Variants in PIK3C2B observed in about 807,000 individuals in gnomAD.
The protein encoded by PIK3C2B is phosphatidylinositol-4-phosphate 3-kinase catalytic subunit type 2 beta.
In PIK3C2B, 83 loss-of-function variants were observed where a neutral mutation model predicts 184.3. The ratio of observed to expected loss-of-function variants is 0.45; its 90% CI spans 0.38 to 0.54. The LOEUF (loss-of-function observed/expected upper bound fraction) is 0.54. PIK3C2B is among the 20% of genes least tolerant of loss of function. The pLI, the probability that PIK3C2B is intolerant of heterozygous loss-of-function variation, is 0.00. For synonymous variants in PIK3C2B, 779 were observed against 837.6 expected (o/e 0.93, Z 1.21); for missense variants, 1,736 against 2,113.5 (o/e 0.82, Z 3.50).
chr1:204,436,453 C>A (rs1675348203), intron 23 of PIK3C2B, among the ~76,000 whole-genome samples: 2 of 152,082 alleles, frequency 1.3e-5, no homozygotes, highest in Admixed American at 1.3e-4. Context: ...TCACATGAAC[C>A]CAGGAGGTGG....
intron 23 of PIK3C2B, chr1:204,435,754 C>T (rs1271714825): frequency 6.6e-6 from 1 of 152,352 alleles, no homozygotes; most frequent in Non-Finnish European, 1.5e-5. Context: ...ACTAGCTCCA[C>T]ACAGAATGCA....
intron 5 of PIK3C2B, among the ~76,000 whole-genome samples, chr1:204,462,047 G>T (rs1199100877): frequency 6.6e-6 from 1 of 152,148 alleles, no homozygotes; most frequent in African/African-American, 2.4e-5. Context: ...TTTTCTGTTG[G>T]GTGGGAGTGG....
At position 204,440,098 on chromosome 1, in the gene PIK3C2B, T is replaced by C. The variant is rs573305165; in HGVS notation, c.3379+94A>G. ...TGAAATAATCTTGCCCTTTTCACTTTCCTGGAGGAGGACACAGTTTGTGTT... is the reference window on the plus strand; with the variant it reads ...TGAAATAATCTTGCCCTTTTCACTTCCCTGGAGGAGGACACAGTTTGTGTT... On this transcript the variant is annotated intron_variant, in intron 22 of 32. Coordinates refer to ENST00000684373, the MANE Select transcript of PIK3C2B (RefSeq NM_001377334.1). The C allele has an allele frequency of 8.7e-5, 117 of 1,342,708 alleles. No homozygotes were observed. The African/African-American group carries it at 1.6e-3, about 18-fold the overall frequency. 83.2% of individuals were successfully genotyped at this position (1,342,708 alleles called of 1,614,324 possible). A position where few individuals can be genotyped will look rare whatever the true frequency, so the allele number is the denominator to read the frequency against.
chr1:204,442,909 G>C (rs1268680326), intron 19 of PIK3C2B, among the ~76,000 whole-genome samples: 1 of 152,236 alleles, frequency 6.6e-6, no homozygotes, highest in Non-Finnish European at 1.5e-5. Flanking sequence ...TGTCTCTCAA[G>C]GGGGAAGAGC....
Position 204,459,950 on chromosome 1 carries a change from T to C in PIK3C2B, c.1503-9A>G. 6.2e-7 allele frequency: 1 copy of C among 1,613,282 alleles called. No homozygotes were observed. The highest frequency in any genetic ancestry group is 8.5e-7 in the Non-Finnish European group (1 of 1,179,576). ...GAAGACTCAGGGCCTGCCTGGGAGT[T>C]GGGGGCAGGGAAAAACCACAGGAGA... On this transcript the variant is annotated splice_polypyrimidine_tract_variant and intron_variant, in intron 7 of 32. Transcript: ENST00000684373.
Position 204,459,946 on chromosome 1 carries a change from G to A in PIK3C2B, c.1503-5C>T. 1 of 1,613,640 alleles carries A rather than the reference G, an allele frequency of 6.2e-7. No individual in the cohort carries two copies. Among genetic ancestry groups the A allele is most frequent in the Non-Finnish European group, 8.5e-7 (1 of 1,179,754 alleles). ...AACAGAAGACTCAGGGCCTGCCTGGGAGTTGGGGGCAGGGAAAAACCACAG... is the reference window on the plus strand; with the variant it reads ...AACAGAAGACTCAGGGCCTGCCTGGAAGTTGGGGGCAGGGAAAAACCACAG... On this transcript the variant is annotated splice_polypyrimidine_tract_variant and splice_region_variant and intron_variant, in intron 7 of 32. Coordinates refer to ENST00000684373, the MANE Select transcript of PIK3C2B (RefSeq NM_001377334.1).
chr1:204,436,906 C>T (rs3014629), intron 23 of PIK3C2B, among the ~76,000 whole-genome samples: 110,214 of 151,968 alleles, frequency 0.73, 40,850 homozygotes, highest in Non-Finnish European at 0.8. Flanking sequence ...GGGTAGAGGG[C>T]CTTGAAATGT....
rs1675067616 is a variant in PIK3C2B, at chr1:204,431,686, A to C, written c.4263T>G (p.Pro1421=). The C allele has an allele frequency of 1.2e-6, 2 of 1,614,146 alleles. No individual in the cohort carries two copies. Among genetic ancestry groups the C allele is most frequent in the East Asian group, 4.5e-5 (2 of 44,884 alleles). Residue 1421 remains proline (P), a synonymous_variant, in exon 28 of 33, where the codon CCT becomes CCG. Coordinates refer to ENST00000684373, the MANE Select transcript of PIK3C2B (RefSeq NM_001377334.1). ...ELHNKLRLLF[P]SSHLPSFPSR... is the part of the protein sequence containing the mutation. ...GCAGCTACCTGGGCAAGTGGGAAGA[A>C]GGGAAGAGCAGCCGCAACTTATTGT...
At chr1:204,439,217 C>A in intron 22 of PIK3C2B, 146 bp from the exon 23 acceptor site, 1 of 793,024 alleles carries the variant, frequency 1.3e-6, no homozygotes, top group Non-Finnish European at 1.9e-6. Context: ...AAGAGAATAA[C>A]CATAGAAAGG....
intron 24 of PIK3C2B, among the ~76,000 whole-genome samples, chr1:204,434,207 T>C (rs1675221233): frequency 6.6e-6 from 1 of 152,272 alleles, no homozygotes; most frequent in Non-Finnish European, 1.5e-5. Context: ...GTTTGGTTCA[T>C]TTCCCTTTGT....
At chr1:204,477,437 G>C (rs1429029357) in intron 1 of PIK3C2B, among the ~76,000 whole-genome samples, 1 of 152,228 alleles carries the variant, frequency 6.6e-6, no homozygotes, top group Non-Finnish European at 1.5e-5. Flanking sequence ...AAGCAGGTCG[G>C]TGCCAGGGTC....
chr1:204,492,570 G>A (rs565528429), intron 1 of PIK3C2B, among the ~76,000 whole-genome samples: 5 of 152,152 alleles, frequency 3.3e-5, no homozygotes, highest in East Asian at 1.9e-4. Context: ...ACCACCAAGC[G>A]GGGACCAAAG....
In PIK3C2B at chr1:204,460,393, T is replaced by A; in HGVS notation, c.1433A>T (p.Asp478Val). The A allele has an allele frequency of 6.2e-7, 1 of 1,613,610 alleles. No individual in the cohort carries two copies. Among genetic ancestry groups the A allele is most frequent in the Non-Finnish European group, 8.5e-7 (1 of 1,179,580 alleles). The change falls in exon 7 of 33, where the codon GAC (aspartate) becomes GTC (valine). Residue 478 changes from aspartate (D) to valine (V), a missense_variant. This residue lies in a region of PIK3C2B where 609 missense variants were observed against 699.2 expected (regional missense o/e 0.87). Coordinates refer to ENST00000684373, the MANE Select transcript of PIK3C2B (RefSeq NM_001377334.1). The part of the protein sequence containing the change: ...RSDLARTVND[D>V]QSPSTLNYLV... ...GTAGTTCAAGGTGGAGGGGCTCTGG[T>A]CATCATTCACCTGTATAAGAAGTGA... is the stretch of plus-strand genomic sequence containing the variant.
At chr1:204,463,067 A>C (rs1455333242) in intron 5 of PIK3C2B, among the ~76,000 whole-genome samples, 1 of 152,174 alleles carries the variant, frequency 6.6e-6, no homozygotes, top group Non-Finnish European at 1.5e-5. Flanking sequence ...TCTCAAAAAA[A>C]GAAAGAAGTC....
intron 1 of PIK3C2B, among the ~76,000 whole-genome samples, chr1:204,476,671 G>A (rs1293913513): frequency 6.6e-5 from 10 of 152,196 alleles, no homozygotes; most frequent in African/African-American, 2.4e-4. Context: ...GGTAGATCAG[G>A]GCCTGCGTCT....
rs1299382121 is a variant in PIK3C2B at position 204,433,690 on chromosome 1, G to A, written c.3843+103C>T. ...CAGGCAGGTATTCAGTTGGGGCTCA[G>A]AGAGGTAAATCTCTAGAAATCCTCT... On this transcript the variant is annotated intron_variant, in intron 25 of 32. Coordinates refer to ENST00000684373, the MANE Select transcript of PIK3C2B (RefSeq NM_001377334.1). This position sits in a 1 kb window ranked among gnomAD's most constrained non-coding sequence, Gnocchi z 5.0. The A allele has an allele frequency of 1.7e-6, 2 of 1,148,496 alleles. No homozygotes were observed. Among genetic ancestry groups the A allele is most frequent in the Non-Finnish European group, 2.6e-6 (2 of 777,430 alleles). The allele number at this position is 1,148,496 out of a possible 1,614,324, so 71.1% of individuals were successfully genotyped here.
chr1:204,478,546 C>T (rs530272083), intron 1 of PIK3C2B, among the ~76,000 whole-genome samples: 2 of 152,336 alleles, frequency 1.3e-5, no homozygotes, highest in South Asian at 4.1e-4. Flanking sequence ...GAATCACATG[C>T]ATCCATAAGG....
At chr1:204,481,007 G>T (rs952212704) in intron 1 of PIK3C2B, among the ~76,000 whole-genome samples, 4 of 151,966 alleles carry the variant, frequency 2.6e-5, no homozygotes, top group African/African-American at 9.7e-5. Flanking sequence ...TCACTCTTGG[G>T]GGCCTGAAGC....
intron 1 of PIK3C2B, among the ~76,000 whole-genome samples, chr1:204,476,887 C>T (rs1344032419): frequency 2.0e-5 from 3 of 152,238 alleles, no homozygotes; most frequent in African/African-American, 7.2e-5. Context: ...TCTTAGAAAA[C>T]AGATGGAAAT....
Sources: allele counts gnomAD v4.1 joint callset (sites outside exome capture counted in the v4.1 genomes callset), GRCh38; gene constraint gnomAD v4.1.1; regional missense constraint gnomAD v4.1.1; non-coding constraint Gnocchi (gnomAD v3.1); transcripts MANE v1.5; gene names NCBI Gene and HGNC (gene_info 2026-07-23, HGNC 2026-07-21).